MON2: variants seen among roughly 807,000 people sequenced by gnomAD.
MON2 encodes protein MON2 homolog.
MON2 carries 84 observed loss-of-function variants against 208.6 expected under a neutral mutation model. The observed-to-expected ratio is 0.40, with a 90% CI of 0.34 to 0.48. MON2 has a LOEUF of 0.48. MON2 is among the 20% of genes least tolerant of loss of function. MON2 has a pLI of 0.59. For synonymous variants in MON2, 660 were observed against 694.0 expected, an observed-to-expected ratio of 0.95 and a Z score of 0.77; for missense variants, 1,611 against 2,015.4, an observed-to-expected ratio of 0.80 and a Z score of 3.84.
chr12:62,585,120 AAAAAC>A lies in MON2; in HGVS notation c.4700-169_4700-165del, dbSNP rs1281697543. ...ACACACACACACACACAAAACAAAA[AAAAAC>A]AAAAAAAAAACACATTTTCACTATA... is the stretch of plus-strand genomic sequence containing the variant. On this transcript the variant is annotated intron_variant, in intron 32 of 34. Transcript: ENST00000393630. Among the ~76,000 whole-genome samples, 999 of 145,038 alleles carry A rather than the reference AAAAAC, an allele frequency of 6.9e-3. 54 individuals are homozygous for A. The highest frequency in any genetic ancestry group is 0.038 in the Middle Eastern group (11 of 286).
intron 7 of MON2, among the ~76,000 whole-genome samples, chr12:62,507,771 A>C (rs1198821118): frequency 1.3e-5 from 2 of 152,024 alleles, no homozygotes; most frequent in Non-Finnish European, 2.9e-5. Flanking sequence ...GATTATGATT[A>C]TGATTATGAT....
intron 30 of MON2, among the ~76,000 whole-genome samples, chr12:62,573,100 T>C (rs2074656256): frequency 6.6e-6 from 1 of 152,234 alleles, no homozygotes; most frequent in South Asian, 2.1e-4. Flanking sequence ...TGGTCAGACT[T>C]TGTTTTGTAG....
At chr12:62,474,263 C>T (rs952463128) in intron 1 of MON2, among the ~76,000 whole-genome samples, 8 of 151,012 alleles carry the variant, frequency 5.3e-5, no homozygotes, top group Non-Finnish European at 1.0e-4. Flanking sequence ...GGATTACAGG[C>T]GCCTGCCACC....
chr12:62,494,979 G>A (rs746550097), intron 3 of MON2, 37 bp from the exon 4 acceptor site: 2 of 1,505,834 alleles, frequency 1.3e-6, no homozygotes, highest in Non-Finnish European at 1.8e-6. Flanking sequence ...CATCTATATT[G>A]TATTTGTTGA....
At chr12:62,482,460 C>A (rs890839601) in intron 1 of MON2, 2 of 152,178 alleles carry the variant, frequency 1.3e-5, no homozygotes, top group Non-Finnish European at 2.9e-5. Context: ...ACTGCTACCA[C>A]TTGTCCCTTA....
At chr12:62,529,721 C>G (rs2072526841) in intron 11 of MON2, among the ~76,000 whole-genome samples, 1 of 152,144 alleles carries the variant, frequency 6.6e-6, no homozygotes, top group Non-Finnish European at 1.5e-5. Flanking sequence ...TCCCAATCCC[C>G]CTTCTTCTAG....
intron 30 of MON2, among the ~76,000 whole-genome samples, chr12:62,577,030 C>T (rs1210877824): frequency 6.6e-6 from 1 of 151,820 alleles, no homozygotes; most frequent in Non-Finnish European, 1.5e-5. Flanking sequence ...TTTGCCTCTT[C>T]ATTTTTTGTT....
intron 7 of MON2, among the ~76,000 whole-genome samples, chr12:62,503,280 T>C (rs1207672927): frequency 2.6e-5 from 4 of 152,230 alleles, no homozygotes; most frequent in African/African-American, 7.2e-5. Flanking sequence ...TTTGAACTCA[T>C]GTTGATCCAA....
intron 16 of MON2, 107 bp downstream of exon 16, chr12:62,537,813 A>C: frequency 1.2e-6 from 1 of 856,590 alleles, no homozygotes; most frequent in Non-Finnish European, 1.8e-6. Context: ...TAAAAAATAG[A>C]TAGTAAGTAT....
intron 8 of MON2, among the ~76,000 whole-genome samples, chr12:62,509,989 C>T (rs1354962083): frequency 2.0e-5 from 3 of 151,268 alleles, no homozygotes; most frequent in African/African-American, 7.3e-5. Context: ...ACTGATGCCA[C>T]AGAAATAAGA....
chr12:62,547,316 A>C (rs2073532686), intron 22 of MON2, among the ~76,000 whole-genome samples: 1 of 152,162 alleles, frequency 6.6e-6, no homozygotes, highest in African/African-American at 2.4e-5. Context: ...GGAAAGATGG[A>C]AAAATTGCTC....
chr12:62,585,927 C>T (rs1178840720), intron 33 of MON2, among the ~76,000 whole-genome samples: 1 of 152,102 alleles, frequency 6.6e-6, no homozygotes, highest in African/African-American at 2.4e-5. Context: ...GCAGGTTTCT[C>T]TCTGTGTCAG....
chr12:62,491,566 C>T (rs147472417), intron 2 of MON2, among the ~76,000 whole-genome samples: 3 of 152,248 alleles, frequency 2.0e-5, no homozygotes, highest in East Asian at 1.9e-4. Flanking sequence ...CCTCTTTTAA[C>T]TTCCATTATT....
intron 32 of MON2, among the ~76,000 whole-genome samples, chr12:62,581,436 G>C (rs1487833822): frequency 6.6e-6 from 1 of 152,050 alleles, no homozygotes; most frequent in African/African-American, 2.4e-5. Context: ...CATGCCTGTA[G>C]TCCTAGATAC....
rs1439516749 is a variant in MON2 at position 62,545,353 on chromosome 12, C to T, written c.2577+345C>T. Among the ~76,000 whole-genome samples, 7 of 151,444 alleles carry T rather than the reference C, an allele frequency of 4.6e-5. 3 individuals carry two copies. Among genetic ancestry groups the T allele is most frequent in the Admixed American group, 4.6e-4 (7 of 15,240 alleles). On this transcript the variant is annotated intron_variant, in intron 21 of 34. Coordinates refer to ENST00000393630, the MANE Select transcript of MON2 (RefSeq NM_015026.3). ...CCTGGATTTTTTTTTTTTCTCACTACCCTTACATGGGGAGAAAATAAGTGG... is the reference window on the plus strand; with the variant it reads ...CCTGGATTTTTTTTTTTTCTCACTATCCTTACATGGGGAGAAAATAAGTGG...
intron 19 of MON2, among the ~76,000 whole-genome samples, chr12:62,540,499 A>G (rs888017025): frequency 2.0e-5 from 3 of 152,190 alleles, no homozygotes; most frequent in Non-Finnish European, 4.4e-5. Context: ...TGTAAATCAA[A>G]AGAAAAATAT....
At chr12:62,494,169 G>A in intron 3 of MON2, 127 bp downstream of exon 3, 3 of 853,666 alleles carry the variant, frequency 3.5e-6, no homozygotes, top group Non-Finnish European at 5.0e-6. Context: ...GGAGAAAATG[G>A]CTTTATTTAA....
intron 1 of MON2, among the ~76,000 whole-genome samples, chr12:62,476,596 C>T (rs536871481): frequency 2.0e-5 from 3 of 152,016 alleles, no homozygotes; most frequent in Non-Finnish European, 2.9e-5. Context: ...CACTACTGAC[C>T]GGCTAATTTT....
chr12:62,590,681 T>A (rs2075370502), intron 34 of MON2, among the ~76,000 whole-genome samples: 1 of 152,230 alleles, frequency 6.6e-6, no homozygotes. Flanking sequence ...CAATGAATTT[T>A]GTACACAAAT....
Sources: gnomAD v4.1 joint callset for allele counts (sites outside exome capture counted in the v4.1 genomes callset) on GRCh38, gnomAD v4.1.1 for gene constraint, MANE v1.5 for transcripts, NCBI Gene and HGNC (gene_info 2026-07-23, HGNC 2026-07-21) for gene names.